Variants in NPAS2 observed in about 807,000 individuals in gnomAD.
NPAS2 encodes the protein neuronal PAS domain protein 2.
NPAS2 carries 23 observed loss-of-function variants against 107.5 expected under a neutral mutation model. The observed-to-expected ratio is 0.21, with a 90% CI of 0.15 to 0.30. The LOEUF (loss-of-function observed/expected upper bound fraction) is 0.30, where lower values mean the gene tolerates loss of function less well. Ranked by LOEUF, NPAS2 falls within the 10% of genes least tolerant of loss-of-function variation. The pLI is 1.00. For synonymous variants in NPAS2, 403 were observed against 417.5 expected, an observed-to-expected ratio of 0.97 and a Z score of 0.42; for missense variants, 756 against 1,043.3, an observed-to-expected ratio of 0.72 and a Z score of 3.79.
chr2:100,927,638 T>G (rs921933264), intron 3 of NPAS2, among the ~76,000 whole-genome samples: 1 of 152,224 alleles, frequency 6.6e-6, no homozygotes, highest in African/African-American at 2.4e-5. Flanking sequence ...TTTATGAGAT[T>G]CCTCCCATTC....
chr2:100,925,708 C>T (rs1207705747), intron 3 of NPAS2, among the ~76,000 whole-genome samples: 1 of 152,208 alleles, frequency 6.6e-6, no homozygotes, highest in Non-Finnish European at 1.5e-5. Flanking sequence ...TGCCCTCGAA[C>T]TCTTTGGTCT....
chr2:100,896,493 C>T (rs1309546598), intron 1 of NPAS2, among the ~76,000 whole-genome samples: 1 of 152,206 alleles, frequency 6.6e-6, no homozygotes, highest in Non-Finnish European at 1.5e-5. Context: ...ATTCCACCCA[C>T]AGAACTGATG....
intron 15 of NPAS2, among the ~76,000 whole-genome samples, chr2:100,981,915 T>A (rs995399347): frequency 6.6e-6 from 1 of 152,230 alleles, no homozygotes; most frequent in Non-Finnish European, 1.5e-5. Flanking sequence ...TATCAGTTTG[T>A]GAACATTGCT....
chr2:100,885,888 C>T (rs190200240), intron 1 of NPAS2, among the ~76,000 whole-genome samples: 34 of 152,290 alleles, frequency 2.2e-4, no homozygotes, highest in Admixed American at 1.9e-3. Context: ...CTCAAACTCC[C>T]GACCTCAGGT....
At chr2:100,902,481 G>C (rs1364121763) in intron 1 of NPAS2, among the ~76,000 whole-genome samples, 1 of 152,228 alleles carries the variant, frequency 6.6e-6, no homozygotes, top group Non-Finnish European at 1.5e-5. Context: ...CTGTCTGGTT[G>C]CACTTACATG....
chr2:100,973,197 AAC>A (rs1165372545), intron 12 of NPAS2, among the ~76,000 whole-genome samples: 2 of 152,102 alleles, frequency 1.3e-5, no homozygotes, highest in Non-Finnish European at 2.9e-5. Context: ...AAAAAATACA[AAC>A]ACAATCTTGG....
At chr2:100,915,025 C>G (rs1682785550) in intron 2 of NPAS2, among the ~76,000 whole-genome samples, 1 of 152,218 alleles carries the variant, frequency 6.6e-6, no homozygotes, top group African/African-American at 2.4e-5. Context: ...CTAGTACTGG[C>G]TTAAGGAGCA....
chr2:100,981,516 C>A (rs1214403505), intron 15 of NPAS2, among the ~76,000 whole-genome samples: 1 of 152,096 alleles, frequency 6.6e-6, no homozygotes, highest in African/African-American at 2.4e-5. Context: ...CAGCCTCCTT[C>A]CCCAGAAAGG....
upstream of NPAS2, among the ~76,000 whole-genome samples, chr2:100,819,052 C>T (rs1439043722): frequency 7.2e-5 from 11 of 152,024 alleles, no homozygotes; most frequent in Admixed American, 1.3e-4. This position sits in a 1 kb window ranked among gnomAD's most constrained non-coding sequence, Gnocchi z 5.8. Flanking sequence ...CTCCGCTTGG[C>T]GTTTGCGGGA....
intron 1 of NPAS2, among the ~76,000 whole-genome samples, chr2:100,864,463 G>A (rs985425420): frequency 1.3e-5 from 2 of 152,094 alleles, no homozygotes; most frequent in African/African-American, 2.4e-5. Context: ...GTTTCCATAC[G>A]ATTAGCCAAC....
intron 11 of NPAS2, among the ~76,000 whole-genome samples, chr2:100,969,177 C>CT (rs544361522): frequency 0.028 from 3,898 of 140,920 alleles, 123 homozygotes; most frequent in South Asian, 0.18. Flanking sequence ...GCATGCCTTT[C>CT]TTTTTTTTTT....
chr2:100,833,771 A>T (rs1358568074), intron 1 of NPAS2, among the ~76,000 whole-genome samples: 2 of 152,312 alleles, frequency 1.3e-5, no homozygotes, highest in East Asian at 3.9e-4. Context: ...TGAATGTGAC[A>T]TGTGCTACTT....
intron 19 of NPAS2, 59 bp downstream of exon 19, chr2:100,990,931 C>T (rs1678082426): frequency 7.1e-7 from 1 of 1,413,364 alleles, no homozygotes; most frequent in Non-Finnish European, 9.9e-7. Context: ...TCCAGGCTGG[C>T]CAGACTCACC....
chr2:100,990,162 G>T, intron 17 of NPAS2, 94 bp from the exon 18 acceptor site: 1 of 1,085,012 alleles, frequency 9.2e-7, no homozygotes, highest in Non-Finnish European at 1.4e-6. Flanking sequence ...GAAAGGCAAG[G>T]GTAGGTAGAA....
At chr2:100,941,203 C>G (rs565949622) in intron 5 of NPAS2, among the ~76,000 whole-genome samples, 251 of 152,282 alleles carry the variant, frequency 1.6e-3, no homozygotes, top group Middle Eastern at 3.4e-3. Context: ...ATGAAATAGC[C>G]TAGAACTTTC....
intron 7 of NPAS2, 104 bp from the exon 8 acceptor site, chr2:100,963,954 A>G (rs986355805): frequency 2.5e-5 from 18 of 708,884 alleles, no homozygotes; most frequent in Middle Eastern, 7.5e-4. Context: ...ACTCTACATA[A>G]ACCCTGGGGG....
intron 1 of NPAS2, among the ~76,000 whole-genome samples, chr2:100,822,246 A>T (rs1676114662): frequency 6.6e-6 from 1 of 152,224 alleles, no homozygotes; most frequent in South Asian, 2.1e-4. Context: ...CACGCCAAAA[A>T]TAACCAAGTG....
chr2:100,990,198 G>C (rs745773998), intron 17 of NPAS2, 58 bp from the exon 18 acceptor site: 7 of 1,543,406 alleles, frequency 4.5e-6, no homozygotes, highest in Non-Finnish European at 6.2e-6. Context: ...AGGTTTCCTG[G>C]AGAGATGGCC....
intron 2 of NPAS2, among the ~76,000 whole-genome samples, chr2:100,913,674 C>A (rs1222983344): frequency 2.0e-5 from 3 of 152,144 alleles, no homozygotes; most frequent in African/African-American, 4.8e-5. Context: ...TATCCTCATT[C>A]CTGATCCAGC....
Sources: allele counts gnomAD v4.1 joint callset (sites outside exome capture counted in the v4.1 genomes callset), GRCh38; gene constraint gnomAD v4.1.1; non-coding constraint Gnocchi (gnomAD v3.1); transcripts MANE v1.5; gene names NCBI Gene and HGNC (gene_info 2026-07-23, HGNC 2026-07-21).